The following UGT2A2 variants were observed in gnomAD, a reference collection of about 807,000 sequenced individuals.
UGT2A2 encodes the protein UDP-glucuronosyltransferase 2A2.
In UGT2A2, 60 loss-of-function variants were observed where a neutral mutation model predicts 50.7. The observed-to-expected ratio is 1.18, with a 90% CI of 0.96 to 1.47. The LOEUF is 1.47. UGT2A2 is among the 40% of genes most tolerant of loss of function. The pLI is 0.00. For missense variants in UGT2A2, 762 were observed against 634.0 expected (o/e 1.20, Z -2.17); for synonymous variants, 242 against 214.6 (o/e 1.13, Z -1.11).
At chr4:69,621,052 A>G (rs1720725092) in intron 1 of UGT2A2, among the ~76,000 whole-genome samples, 1 of 152,080 alleles carries the variant, frequency 6.6e-6, no homozygotes, top group Non-Finnish European at 1.5e-5. Context: ...AGAAACCTAG[A>G]AGACAACTTA....
chr4:69,595,265 C>T lies in UGT2A2; in HGVS notation c.1024-16G>A. The T allele has an allele frequency of 6.2e-7, 1 of 1,612,542 alleles. No homozygotes were observed. On this transcript the variant is annotated splice_polypyrimidine_tract_variant and intron_variant, in intron 3 of 5. Transcript: ENST00000604629. ...TCCATAAAACCTGTGGAAAATGGTG[C>T]TTTAATTTTGCAAGGAAAAACACAA...
intron 5 of UGT2A2, 101 bp downstream of exon 5, chr4:69,594,376 T>C (rs1718780433): frequency 1.4e-6 from 2 of 1,438,592 alleles, no homozygotes; most frequent in African/African-American, 2.9e-5. Context: ...TTATGGTTGT[T>C]ATTGGAAAAT....
chr4:69,634,101 C>T lies in UGT2A2; in HGVS notation c.742+4798G>A, dbSNP rs924901232. On this transcript the variant is annotated intron_variant, in intron 1 of 5. Coordinates refer to ENST00000604629, the MANE Select transcript of UGT2A2 (RefSeq NM_001105677.2). ...TCTACTAAAAATACAAAAAATTAGCCGGGCTTGGTGACCGGCGCCTGTAGT... is the reference window on the plus strand; with the variant it reads ...TCTACTAAAAATACAAAAAATTAGCTGGGCTTGGTGACCGGCGCCTGTAGT... Among the ~76,000 whole-genome samples, 13 of 152,042 alleles carry T rather than the reference C, an allele frequency of 8.6e-5. No individual in the cohort carries two copies. The East Asian group carries it at 2.5e-3, about 29-fold the overall frequency.
intron 3 of UGT2A2, among the ~76,000 whole-genome samples, chr4:69,595,698 T>A: frequency 6.6e-6 from 1 of 152,200 alleles, no homozygotes; most frequent in East Asian, 1.9e-4. Context: ...ATAACATAAG[T>A]CAGAAATTGC....
At position 69,638,976 on chromosome 4, in the gene UGT2A2, G is replaced by T; in HGVS notation, c.665C>A (p.Thr222Asn). The change falls in exon 1 of 6, where the codon ACC (threonine) becomes AAC (asparagine). Residue 222 changes from threonine to asparagine, a missense_variant. Transcript: ENST00000604629. ...ATAGTCTTGCAGAGAATAAGATATG[G>T]TATTTTTAATCCTTTCACCAAAGGT... ...QMTFGERIKNTISYSLQDYIF... is the reference protein window; with the variant it reads ...QMTFGERIKNNISYSLQDYIF... 1 of 1,613,044 alleles carries T rather than the reference G, an allele frequency of 6.2e-7. No individual in the cohort carries two copies. Among genetic ancestry groups the T allele is most frequent in the Non-Finnish European group, 8.5e-7 (1 of 1,179,452 alleles).
At chr4:69,593,281 C>T (rs1718691386) in intron 5 of UGT2A2, among the ~76,000 whole-genome samples, 1 of 151,490 alleles carries the variant, frequency 6.6e-6, no homozygotes, top group African/African-American at 2.4e-5. Context: ...AACACTGAGT[C>T]CCTTAAAATA....
intron 1 of UGT2A2, among the ~76,000 whole-genome samples, chr4:69,638,076 G>T (rs78220172): frequency 0.34 from 51,593 of 151,718 alleles, 9,064 homozygotes; most frequent in South Asian, 0.39. Flanking sequence ...GAGTGAGGGA[G>T]AAAGGAAAGA....
In UGT2A2 at chr4:69,599,391, C is replaced by A; in HGVS notation, c.746G>T (p.Arg249Ile). ...CATAGTCTCACATAACGTAGTGGGT[C>A]TTCCTGGAGAAAATGTAACAAGTTG... The part of the protein sequence containing the change: ...WNSYYSKILG[R>I]PTTLCETMGK... Residue 249 changes from arginine to isoleucine, a missense_variant, in exon 2 of 6, where the codon AGA becomes ATA. Transcript: ENST00000604629. 1 of 1,612,168 alleles carries A rather than the reference C, an allele frequency of 6.2e-7. No individual in the cohort carries two copies. The highest frequency in any genetic ancestry group is 2.2e-5 in the East Asian group (1 of 44,802).
intron 3 of UGT2A2, among the ~76,000 whole-genome samples, chr4:69,595,739 A>T (rs955852042): frequency 3.3e-5 from 5 of 152,222 alleles, no homozygotes; most frequent in South Asian, 2.1e-4. Context: ...TTGAATTTTA[A>T]TTGTTTTTAG....
At chr4:69,618,187 ATGTGTGTGTG>A (rs72430246) in intron 1 of UGT2A2, among the ~76,000 whole-genome samples, 11 of 144,358 alleles carry the variant, frequency 7.6e-5, no homozygotes, top group African/African-American at 2.8e-4. Context: ...GCCAGTAAGC[ATGTGTGTGTG>A]TGTGTGTGTG....
At chr4:69,626,303 C>T (rs73824179) in intron 1 of UGT2A2, among the ~76,000 whole-genome samples, 10,476 of 151,272 alleles carry the variant, frequency 0.069, 419 homozygotes, top group African/African-American at 0.1. Context: ...AGAGGCCATA[C>T]ACATCTAAAG....
intron 1 of UGT2A2, among the ~76,000 whole-genome samples, chr4:69,623,627 A>C (rs1577981971): frequency 6.6e-6 from 1 of 151,638 alleles, no homozygotes; most frequent in East Asian, 1.9e-4. Flanking sequence ...TTGAAGTCAC[A>C]GTTTTAAAGA....
At chr4:69,634,633 A>G (rs1195260716) in intron 1 of UGT2A2, among the ~76,000 whole-genome samples, 1 of 152,162 alleles carries the variant, frequency 6.6e-6, no homozygotes, top group Non-Finnish European at 1.5e-5. Context: ...CACTTTATAT[A>G]TTTTACCATA....
At chr4:69,600,809 T>TAAAAA (rs34446108) in intron 1 of UGT2A2, among the ~76,000 whole-genome samples, 9 of 145,896 alleles carry the variant, frequency 6.2e-5, no homozygotes, top group African/African-American at 2.3e-4. Flanking sequence ...GCTATACACT[T>TAAAAA]AAAAAAAAAA....
At chr4:69,591,576 G>T (rs969623173) in intron 5 of UGT2A2, among the ~76,000 whole-genome samples, 5 of 152,102 alleles carry the variant, frequency 3.3e-5, no homozygotes, top group Admixed American at 2.0e-4. Context: ...TGATGCTAAT[G>T]CCAGAGAGGT....
intron 1 of UGT2A2, among the ~76,000 whole-genome samples, chr4:69,615,010 C>T (rs1488026660): frequency 6.6e-6 from 1 of 151,922 alleles, no homozygotes; most frequent in South Asian, 2.1e-4. Context: ...CACTTTTAAA[C>T]AGCTATATCT....
intron 1 of UGT2A2, among the ~76,000 whole-genome samples, chr4:69,608,169 C>A (rs192522029): frequency 2.6e-5 from 4 of 152,004 alleles, no homozygotes; most frequent in Admixed American, 6.6e-5. Flanking sequence ...TGGAACCAAC[C>A]CAAATGTCCA....
intron 1 of UGT2A2, among the ~76,000 whole-genome samples, chr4:69,612,351 A>T (rs1381387192): frequency 6.6e-6 from 1 of 152,100 alleles, no homozygotes; most frequent in African/African-American, 2.4e-5. Context: ...ACATTCAATG[A>T]CATTCATGTC....
intron 1 of UGT2A2, among the ~76,000 whole-genome samples, chr4:69,625,448 G>C (rs969961195): frequency 2.0e-5 from 3 of 150,958 alleles, no homozygotes; most frequent in Admixed American, 6.6e-5. Flanking sequence ...GTGGGGAAGG[G>C]AGAAGTGATT....
Sources: allele counts gnomAD v4.1 joint callset (sites outside exome capture counted in the v4.1 genomes callset), GRCh38; gene constraint gnomAD v4.1.1; transcripts MANE v1.5; gene names NCBI Gene and HGNC (gene_info 2026-07-23, HGNC 2026-07-21).